RBFOX2: variants seen among roughly 807,000 people sequenced by gnomAD.
The protein encoded by RBFOX2 is RNA binding protein fox-1 homolog 2.
In RBFOX2, 10 loss-of-function variants were observed where a neutral mutation model predicts 49.1. The ratio of observed to expected loss-of-function variants is 0.20; its 90% CI spans 0.13 to 0.35. The LOEUF is 0.35. RBFOX2 is among the 10% of genes least tolerant of loss of function. The pLI, the probability that RBFOX2 is intolerant of heterozygous loss-of-function variation, is 1.00. For synonymous variants in RBFOX2, 183 were observed against 187.4 expected, an observed-to-expected ratio of 0.98 and a Z score of 0.19; for missense variants, 323 against 486.9, an observed-to-expected ratio of 0.66 and a Z score of 3.17.
intron 1 of RBFOX2, among the ~76,000 whole-genome samples, chr22:35,990,348 GTT>G (rs1285683015): frequency 6.6e-6 from 1 of 152,142 alleles, no homozygotes; most frequent in Non-Finnish European, 1.5e-5. Flanking sequence ...CCAAAGAGCT[GTT>G]TAAGAGAAGG....
chr22:35,765,386 A>T, intron 6 of RBFOX2, 37 bp downstream of exon 7: 1 of 1,405,624 alleles, frequency 7.1e-7, no homozygotes, highest in Non-Finnish European at 9.9e-7. Context: ...ATATTTACAC[A>T]AGAATAAACA....
chr22:35,742,525 GTC>G (rs1159242848), exon 12 of RBFOX2: 1 of 152,630 alleles, frequency 6.6e-6, no homozygotes, highest in Non-Finnish European at 1.5e-5. Flanking sequence ...GAAGCTCCAT[GTC>G]TCTGAATTAC....
At chr22:35,976,734 G>A (rs948887409) in intron 1 of RBFOX2, among the ~76,000 whole-genome samples, 2 of 152,122 alleles carry the variant, frequency 1.3e-5, no homozygotes, top group African/African-American at 2.4e-5. Flanking sequence ...AGGCCAAGGC[G>A]GGTGGAACAC....
chr22:36,022,496 C>T (rs2146543772), intron 1 of RBFOX2, among the ~76,000 whole-genome samples: 1 of 152,290 alleles, frequency 6.6e-6, no homozygotes, highest in East Asian at 1.9e-4. Context: ...CTGACTTTCT[C>T]CTTCTCAAAT....
intron 1 of RBFOX2, among the ~76,000 whole-genome samples, chr22:35,911,031 A>G (rs923795026): frequency 6.6e-6 from 1 of 152,146 alleles, no homozygotes; most frequent in African/African-American, 2.4e-5. Context: ...CATGACAAAA[A>G]TTTTCTAGGA....
At chr22:35,755,215 T>G (rs944886235) in intron 9 of RBFOX2, among the ~76,000 whole-genome samples, 38 of 152,358 alleles carry the variant, frequency 2.5e-4, no homozygotes, top group African/African-American at 8.2e-4. Context: ...TTTCCCTTGA[T>G]GACTTGAGCG....
chr22:35,902,250 A>G (rs1220630211), intron 1 of RBFOX2, among the ~76,000 whole-genome samples: 5 of 151,962 alleles, frequency 3.3e-5, no homozygotes, highest in African/African-American at 4.8e-5. Context: ...CTTTTCCATT[A>G]TCTACCCACT....
chr22:36,009,649 A>C (rs1415022593), intron 1 of RBFOX2, among the ~76,000 whole-genome samples: 2 of 152,058 alleles, frequency 1.3e-5, no homozygotes, highest in African/African-American at 2.4e-5. Context: ...TTGGCCTCCC[A>C]AAGTGCTGGG....
chr22:35,926,557 C>T (rs988936454), intron 1 of RBFOX2, among the ~76,000 whole-genome samples: 3 of 152,146 alleles, frequency 2.0e-5, no homozygotes, highest in Admixed American at 1.3e-4. Context: ...AGTGGACTAA[C>T]AATCACAGCT....
chr22:35,795,008 G>A (rs1948506771), intron 2 of RBFOX2, among the ~76,000 whole-genome samples: 1 of 151,972 alleles, frequency 6.6e-6, no homozygotes, highest in African/African-American at 2.4e-5. Context: ...TGATCCAAAG[G>A]GCAATTTTCT....
chr22:36,006,398 A>G (rs143684908), intron 1 of RBFOX2, among the ~76,000 whole-genome samples: 156 of 152,376 alleles, frequency 1.0e-3, no homozygotes, highest in Non-Finnish European at 1.7e-3. Flanking sequence ...AGAAAATAAG[A>G]TAGTCTGCTG....
chr22:35,782,546 C>T (rs1189814883), intron 2 of RBFOX2, among the ~76,000 whole-genome samples: 2 of 152,230 alleles, frequency 1.3e-5, no homozygotes, highest in Non-Finnish European at 2.9e-5. Context: ...TGGTCTTGAT[C>T]TCCTGACCTT....
At chr22:35,970,866 G>C (rs190717294) in intron 1 of RBFOX2, among the ~76,000 whole-genome samples, 94 of 152,208 alleles carry the variant, frequency 6.2e-4, no homozygotes, top group African/African-American at 2.2e-3. Context: ...AAATTGCAAA[G>C]ACCTAAATGG....
chr22:36,006,271 A>G (rs897105195), intron 1 of RBFOX2, among the ~76,000 whole-genome samples: 1 of 152,238 alleles, frequency 6.6e-6, no homozygotes, highest in Non-Finnish European at 1.5e-5. Flanking sequence ...AAAGTGCTTC[A>G]TGTAAATTCA....
chr22:35,830,226 TG>T (rs1290863439), intron 1 of RBFOX2, among the ~76,000 whole-genome samples: 1 of 152,172 alleles, frequency 6.6e-6, no homozygotes, highest in African/African-American at 2.4e-5. Context: ...GTCCCAATCC[TG>T]AAAGAAACTA....
intron 9 of RBFOX2, 128 bp from the exon 12 acceptor site, chr22:35,746,689 CAT>C (rs553730061): frequency 4.2e-4 from 191 of 449,600 alleles, no homozygotes; most frequent in South Asian, 3.8e-3. Context: ...TAGACACACA[CAT>C]GGGAAGAAAA....
chr22:35,885,813 T>C (rs868547683), intron 1 of RBFOX2, among the ~76,000 whole-genome samples: 4 of 150,848 alleles, frequency 2.7e-5, no homozygotes, highest in Non-Finnish European at 4.4e-5. Flanking sequence ...ACAGAGCCTA[T>C]AGATTTGGGT....
rs371190070 is a variant in RBFOX2 at position 35,803,774 on chromosome 22, GA to G, written c.252+6005del. ...GAGTTGAAAAGTATAATAACTGAAA[GA>G]AAAAAAATCACTAGATGGGCTCAAC... On this transcript the variant is annotated intron_variant, in intron 2 of 11. Transcript: ENST00000405409. Among the ~76,000 whole-genome samples, 372 of 151,646 alleles carry G rather than the reference GA, an allele frequency of 2.5e-3. 4 individuals carry two copies. Among genetic ancestry groups the G allele is most frequent in the African/African-American group, 8.6e-3 (354 of 41,374 alleles).
chr22:35,844,420 T>C (rs530426187), upstream of RBFOX2, among the ~76,000 whole-genome samples: 230 of 152,358 alleles, frequency 1.5e-3, no homozygotes, highest in African/African-American at 5.1e-3. Flanking sequence ...AGAGCACCTA[T>C]GTAGTTATCA....
Sources: gnomAD v4.1 joint callset for allele counts (sites outside exome capture counted in the v4.1 genomes callset) on GRCh38, gnomAD v4.1.1 for gene constraint, MANE v1.5 for transcripts, NCBI Gene and HGNC (gene_info 2026-07-23, HGNC 2026-07-21) for gene names.